Variants in L3MBTL4 observed in about 807,000 individuals in gnomAD.
L3MBTL4 encodes the protein L3MBTL histone methyl-lysine binding protein 4, also known as lethal(3)malignant brain tumor-like protein 4.
Under a neutral mutation model 84.5 loss-of-function variants are expected in L3MBTL4, and 70 were observed. The ratio of observed to expected loss-of-function variants is 0.83; its 90% CI spans 0.68 to 1.01. The LOEUF (loss-of-function observed/expected upper bound fraction) is 1.01, where lower values mean the gene tolerates loss of function less well. Among genes scored for constraint, L3MBTL4 ranks in the 50% least tolerant of loss-of-function variants. L3MBTL4 has a pLI of 0.00. For missense variants in L3MBTL4, 715 were observed against 754.8 expected (o/e 0.95, Z 0.62); for synonymous variants, 274 against 259.8 (o/e 1.05, Z -0.52).
At chr18:6,040,750 A>G (rs1056675730) in intron 16 of L3MBTL4, among the ~76,000 whole-genome samples, 1 of 152,192 alleles carries the variant, frequency 6.6e-6, no homozygotes, top group African/African-American at 2.4e-5. Context: ...TGAGAAAGAG[A>G]GACACCTGAA....
At chr18:6,209,445 C>CAAAAAAAAAAAAAAAAAAAA (rs60613997) in intron 12 of L3MBTL4, among the ~76,000 whole-genome samples, 2 of 114,002 alleles carry the variant, frequency 1.8e-5, no homozygotes, top group African/African-American at 6.1e-5. Context: ...ACTAAACTGG[C>CAAAAAAAAAAAAAAAAAAAA]AAAAAAAAAA....
intron 1 of L3MBTL4, among the ~76,000 whole-genome samples, chr18:6,316,486 G>A (rs2051106136): frequency 1.3e-5 from 2 of 152,272 alleles, no homozygotes; most frequent in South Asian, 2.1e-4. Flanking sequence ...TCTTGGAGAA[G>A]GGGACTTCTT....
chr18:6,087,566 T>A (rs2058298800), intron 15 of L3MBTL4, among the ~76,000 whole-genome samples: 1 of 152,150 alleles, frequency 6.6e-6, no homozygotes, highest in African/African-American at 2.4e-5. Flanking sequence ...CAAAACCCCC[T>A]ATAGGGCAAG....
chr18:5,956,157 T>C lies in L3MBTL4; in HGVS notation c.*63A>G. 7.3e-7 allele frequency: 1 copy of C among 1,371,646 alleles called. No individual in the cohort carries two copies. Among genetic ancestry groups the C allele is most frequent in the Non-Finnish European group, 1.0e-6 (1 of 980,150 alleles). 85.0% of individuals were successfully genotyped at this position (1,371,646 alleles called of 1,614,324 possible). The stretch of plus-strand genomic sequence containing the variant: ...TGGGGACATTCACATCAAATTAATG[T>C]GCTCCACTTTTATTGCTGAAAGAGC... On this transcript the variant is annotated 3_prime_UTR_variant, in exon 19 of 19. Transcript: ENST00000317931.
chr18:6,237,837 T>A (rs1599283281), intron 10 of L3MBTL4, 127 bp downstream of exon 10: 2 of 728,094 alleles, frequency 2.7e-6, no homozygotes, highest in East Asian at 5.3e-5. Flanking sequence ...GTCAACAGAA[T>A]CTCACATAGT....
At chr18:6,115,132 C>A (rs1170789523) in intron 14 of L3MBTL4, among the ~76,000 whole-genome samples, 1 of 152,160 alleles carries the variant, frequency 6.6e-6, no homozygotes, top group African/African-American at 2.4e-5. Context: ...AGCTTGAGTG[C>A]AGCTACAGTG....
chr18:6,330,411 T>C (rs1018980814), intron 1 of L3MBTL4, among the ~76,000 whole-genome samples: 3 of 152,250 alleles, frequency 2.0e-5, no homozygotes, highest in African/African-American at 7.2e-5. Flanking sequence ...TCCAGAGGCT[T>C]CCAGCATTCC....
chr18:6,199,676 G>A (rs2045567161), intron 12 of L3MBTL4, among the ~76,000 whole-genome samples: 1 of 152,208 alleles, frequency 6.6e-6, no homozygotes, highest in Non-Finnish European at 1.5e-5. Flanking sequence ...GGCAGAAGGG[G>A]AAATCTGAAG....
At chr18:6,050,970 G>A (rs1234260137) in intron 16 of L3MBTL4, among the ~76,000 whole-genome samples, 1 of 152,186 alleles carries the variant, frequency 6.6e-6, no homozygotes, top group Non-Finnish European at 1.5e-5. Context: ...GATGTGAGAG[G>A]TGCTGGTGGC....
chr18:6,240,615 T>C (rs1415622710), intron 8 of L3MBTL4, among the ~76,000 whole-genome samples: 1 of 152,186 alleles, frequency 6.6e-6, no homozygotes, highest in Non-Finnish European at 1.5e-5. Context: ...AGAGGGTGTT[T>C]TTCTCTACTT....
At chr18:6,295,542 G>A (rs1182288348) in intron 4 of L3MBTL4, among the ~76,000 whole-genome samples, 1 of 151,734 alleles carries the variant, frequency 6.6e-6, no homozygotes, top group Non-Finnish European at 1.5e-5. Context: ...CTACGGAGGG[G>A]GGCCCTTGAA....
At chr18:6,081,077 G>A in intron 15 of L3MBTL4, 126 bp from the exon 16 acceptor site, 1 of 583,092 alleles carries the variant, frequency 1.7e-6, no homozygotes, top group Non-Finnish European at 2.9e-6. Flanking sequence ...GTATTTTGCT[G>A]CACAGAGCCT....
At chr18:6,134,688 G>A (rs867775434) in intron 14 of L3MBTL4, among the ~76,000 whole-genome samples, 4 of 152,214 alleles carry the variant, frequency 2.6e-5, no homozygotes, top group Admixed American at 6.5e-5. Context: ...TCCAAGCCAC[G>A]CTGATGCAAC....
chr18:6,235,156 C>T (rs748740882), intron 10 of L3MBTL4, among the ~76,000 whole-genome samples: 7 of 151,910 alleles, frequency 4.6e-5, no homozygotes, highest in South Asian at 4.2e-4. Flanking sequence ...CATCACACAC[C>T]GGGGCCTGTT....
intron 13 of L3MBTL4, among the ~76,000 whole-genome samples, chr18:6,167,583 A>C (rs1233749544): frequency 2.0e-5 from 3 of 152,214 alleles, no homozygotes; most frequent in African/African-American, 7.2e-5. Context: ...AAACCACATG[A>C]TTATCTCAAT....
chr18:6,305,903 G>A (rs2050565653), intron 3 of L3MBTL4, among the ~76,000 whole-genome samples: 1 of 152,196 alleles, frequency 6.6e-6, no homozygotes, highest in Non-Finnish European at 1.5e-5. Flanking sequence ...AGGATTTTCA[G>A]CTACTGATTT....
At chr18:5,990,824 C>T (rs1257836928) in intron 16 of L3MBTL4, among the ~76,000 whole-genome samples, 1 of 150,574 alleles carries the variant, frequency 6.6e-6, no homozygotes, top group Non-Finnish European at 1.5e-5. Context: ...CTCTTCAGTC[C>T]CAGTACTCAC....
intron 16 of L3MBTL4, among the ~76,000 whole-genome samples, chr18:6,033,875 A>G (rs2055968261): frequency 6.6e-6 from 1 of 152,226 alleles, no homozygotes; most frequent in South Asian, 2.1e-4. Flanking sequence ...GCCCCAAACC[A>G]TAAACTAATT....
At chr18:6,045,539 G>C (rs1452851801) in intron 16 of L3MBTL4, among the ~76,000 whole-genome samples, 1 of 152,142 alleles carries the variant, frequency 6.6e-6, no homozygotes, top group Non-Finnish European at 1.5e-5. Context: ...ATCTTATGTG[G>C]ATGGCAGCAG....
Sources: gnomAD v4.1 joint callset for allele counts (sites outside exome capture counted in the v4.1 genomes callset) on GRCh38, gnomAD v4.1.1 for gene constraint, MANE v1.5 for transcripts, NCBI Gene and HGNC (gene_info 2026-07-23, HGNC 2026-07-21) for gene names.